Variants in INTS2 observed in about 807,000 individuals in gnomAD.
INTS2 encodes integrator complex subunit 2.
INTS2 carries 57 observed loss-of-function variants against 139.6 expected under a neutral mutation model. That is an observed-to-expected ratio of 0.41 (90% confidence interval 0.33 to 0.51). The LOEUF (loss-of-function observed/expected upper bound fraction) is 0.51, where lower values mean the gene tolerates loss of function less well. INTS2 is among the 20% of genes least tolerant of loss of function. The pLI is 0.28. For missense variants in INTS2, 1,196 were observed against 1,436.7 expected, an observed-to-expected ratio of 0.83 and a Z score of 2.71; for synonymous variants, 473 against 493.4, an observed-to-expected ratio of 0.96 and a Z score of 0.55.
At chr17:61,880,288 C>T (rs923515677) in intron 17 of INTS2, among the ~76,000 whole-genome samples, 1 of 152,180 alleles carries the variant, frequency 6.6e-6, no homozygotes, top group Non-Finnish European at 1.5e-5. Flanking sequence ...CCTCATGATC[C>T]GCCTGCCTCG....
intron 16 of INTS2, among the ~76,000 whole-genome samples, chr17:61,883,330 T>C (rs1307035014): frequency 4.0e-5 from 6 of 148,806 alleles, no homozygotes; most frequent in Non-Finnish European, 7.4e-5. Flanking sequence ...CTAACCAACA[T>C]GATGAAACCA....
intron 5 of INTS2, among the ~76,000 whole-genome samples, chr17:61,916,505 A>C (rs2079584371): frequency 6.6e-6 from 1 of 152,172 alleles, no homozygotes; most frequent in Non-Finnish European, 1.5e-5. Context: ...ACACACCTAC[A>C]ATCATCTGAT....
Position 61,872,229 on chromosome 17 carries a change from C to T in INTS2, c.2778+36G>A. ...GATTATACTAGTAGAGAAGCCCTTG[C>T]TCTTTTTGACTAAATTTTACTTTAG... On this transcript the variant is annotated intron_variant, in intron 20 of 24. Transcript: ENST00000251334. This position sits in a 1 kb window ranked among gnomAD's most constrained non-coding sequence, Gnocchi z 4.8. 6.6e-7 allele frequency: 1 copy of T among 1,511,830 alleles called. No individual in the cohort carries two copies. Among genetic ancestry groups the T allele is most frequent in the Non-Finnish European group, 9.1e-7 (1 of 1,095,730 alleles). 93.7% of individuals were successfully genotyped at this position (1,511,830 alleles called of 1,614,324 possible). A position where few individuals can be genotyped will look rare whatever the true frequency, so the allele number is the denominator to read the frequency against.
rs1374622750 is a variant in INTS2 at position 61,869,539 on chromosome 17, GA to G, written c.3031-160del. ...GGCATTTCACTTTTCTGATGCACTA[GA>G]ATAGAGATTAAACTATCGAACATTT... On this transcript the variant is annotated intron_variant, in intron 21 of 24. Transcript: ENST00000251334. This position sits in a 1 kb window ranked among gnomAD's most constrained non-coding sequence, Gnocchi z 5.4. Among the ~76,000 whole-genome samples the G allele has an allele frequency of 6.6e-6, 1 of 151,364 alleles. No individual in the cohort carries two copies. The highest frequency in any genetic ancestry group is 1.5e-5 in the Non-Finnish European group (1 of 67,880).
intron 5 of INTS2, among the ~76,000 whole-genome samples, chr17:61,916,982 C>A (rs1051572474): frequency 1.3e-5 from 2 of 151,816 alleles, no homozygotes. Flanking sequence ...GGAAAGAACA[C>A]GAACAGATAC....
rs1603372662 is a variant in INTS2 at position 61,875,986 on chromosome 17, T to C, written c.2457-948A>G. Among the ~76,000 whole-genome samples the C allele has an allele frequency of 6.6e-6, 1 of 151,740 alleles. No homozygotes were observed. Among genetic ancestry groups the C allele is most frequent in the South Asian group, 2.1e-4 (1 of 4,816 alleles). ...GAGTTCAAGACTAGCCTGGGCAGCA[T>C]AGTGAGACACCATCTCTACAAAAAC... is the stretch of plus-strand genomic sequence containing the variant. On this transcript the variant is annotated intron_variant, in intron 18 of 24. Transcript: ENST00000251334. The surrounding 1 kb of genome is among the most constrained non-coding windows in gnomAD (Gnocchi z 4.6).
chr17:61,876,333 G>A lies in INTS2; in HGVS notation c.2457-1295C>T, dbSNP rs533869079. The stretch of plus-strand genomic sequence containing the variant: ...GAGTGTGTGTTCCATTCACTAAAAC[G>A]AGGATATAAACCAAGAAAGAGAAAA... On this transcript the variant is annotated intron_variant, in intron 18 of 24. Transcript: ENST00000251334. This position sits in a 1 kb window ranked among gnomAD's most constrained non-coding sequence, Gnocchi z 4.1. 2.6e-5 allele frequency among the ~76,000 whole-genome samples: 4 copies of A among 151,970 alleles called. No homozygotes were observed. Among genetic ancestry groups the A allele is most frequent in the East Asian group, 1.9e-4 (1 of 5,182 alleles).
chr17:61,925,520 T>G (rs1229795275), intron 2 of INTS2, among the ~76,000 whole-genome samples: 1 of 151,782 alleles, frequency 6.6e-6, no homozygotes, highest in Non-Finnish European at 1.5e-5. Flanking sequence ...GAGGTTGCAG[T>G]GAGCCGAGAT....
At chr17:61,889,939 G>A (rs908828499) in intron 14 of INTS2, 45 bp from the exon 15 acceptor site, 21 of 1,206,150 alleles carry the variant, frequency 1.7e-5, no homozygotes, top group Non-Finnish European at 2.5e-5. Context: ...TGAATTTCAC[G>A]AGTGCTTTTT....
At chr17:61,901,990 TGATA>T (rs1488067152) in intron 9 of INTS2, among the ~76,000 whole-genome samples, 2 of 152,152 alleles carry the variant, frequency 1.3e-5, no homozygotes, top group Non-Finnish European at 2.9e-5. Context: ...GACATCTGAT[TGATA>T]GTTTGATGGG....
intron 3 of INTS2, among the ~76,000 whole-genome samples, chr17:61,924,373 C>T (rs573792975): frequency 6.6e-6 from 1 of 152,192 alleles, no homozygotes; most frequent in African/African-American, 2.4e-5. Context: ...TGTCAAGAAG[C>T]CACTGTGTAT....
intron 8 of INTS2, among the ~76,000 whole-genome samples, chr17:61,905,281 A>G (rs2079449345): frequency 6.6e-6 from 1 of 152,136 alleles, no homozygotes; most frequent in South Asian, 2.1e-4. Context: ...ATATTTTTAT[A>G]GTACTCTAAT....
In INTS2 at chr17:61,909,182, G is replaced by C. The variant is rs1222010932; in HGVS notation, c.955-1548C>G. ...GCTGGAGTGCAGTGGCGTGATCTCG[G>C]CTCACTGCAACCTCTGCCTCCCATG... On this transcript the variant is annotated intron_variant, in intron 7 of 24. Coordinates refer to ENST00000251334, the MANE Select transcript of INTS2 (RefSeq NM_001351695.2). The surrounding 1 kb of genome is among the most constrained non-coding windows in gnomAD (Gnocchi z 4.9). 3.9e-5 allele frequency among the ~76,000 whole-genome samples: 6 copies of C among 152,010 alleles called. No homozygotes were observed. Among genetic ancestry groups the C allele is most frequent in the Non-Finnish European group, 7.4e-5 (5 of 68,012 alleles).
rs778098760 is a variant in INTS2, at chr17:61,877,928, G to C, written c.2415C>G (p.Val805=). The C allele has an allele frequency of 8.1e-6, 13 of 1,613,554 alleles. No homozygotes were observed. Among genetic ancestry groups the C allele is most frequent in the Non-Finnish European group, 6.8e-6 (8 of 1,179,702 alleles). Residue 805 remains valine, a synonymous_variant, in exon 18 of 25, where the codon GTC becomes GTG. Transcript: ENST00000251334. ...TATTAAGAACCATCCATAGTTTATT[G>C]ACTGTTTGCAGAATTCTCCGTGGAA... ...SGVPRRILQT[V]NKLWMVLNTV...
At chr17:61,898,165 T>C (rs532307491) in intron 9 of INTS2, among the ~76,000 whole-genome samples, 1 of 152,148 alleles carries the variant, frequency 6.6e-6, no homozygotes, top group East Asian at 1.9e-4. Context: ...GAGCAGTCCA[T>C]CTTCTGGAAA....
intron 16 of INTS2, among the ~76,000 whole-genome samples, chr17:61,884,644 C>G (rs552334190): frequency 2.6e-5 from 4 of 152,048 alleles, no homozygotes; most frequent in Non-Finnish European, 5.9e-5. Context: ...TGAATATCTG[C>G]AATTTCATAC....
At chr17:61,896,101 G>A (rs773218323) in intron 11 of INTS2, among the ~76,000 whole-genome samples, 1 of 151,622 alleles carries the variant, frequency 6.6e-6, no homozygotes. Flanking sequence ...TTAGCCGGGC[G>A]TGGCGGTATG....
Position 61,867,983 on chromosome 17 carries a change from A to T in INTS2, c.3271T>A (p.Phe1091Ile). ...AAACTTGGCAGAGTTGGCATAAAAA[A>T]AGCATACCGCTTAGCCTGTGTTAAA... ...TVLTQAKRYA[F>I]FMPTLPSLVS... Residue 1091 changes from phenylalanine to isoleucine, a missense_variant, in exon 24 of 25, where the codon TTT (phenylalanine) becomes ATT (isoleucine). Around this residue, in one of 3 missense-constraint regions of INTS2, gnomAD observed 1,129 missense variants for 1,341.9 expected, o/e 0.84. Transcript: ENST00000251334. The surrounding 1 kb of genome is among the most constrained non-coding windows in gnomAD (Gnocchi z 5.6). 1 of 1,602,728 alleles carries T rather than the reference A, an allele frequency of 6.2e-7. No individual in the cohort carries two copies. The highest frequency in any genetic ancestry group is 8.5e-7 in the Non-Finnish European group (1 of 1,176,892).
intron 19 of INTS2, among the ~76,000 whole-genome samples, chr17:61,874,674 A>C (rs1289183407): frequency 1.3e-5 from 2 of 152,188 alleles, no homozygotes; most frequent in African/African-American, 4.8e-5. Flanking sequence ...TGTGGCACCA[A>C]AACCAAGAAT....
Sources: allele counts gnomAD v4.1 joint callset (sites outside exome capture counted in the v4.1 genomes callset), GRCh38; gene constraint gnomAD v4.1.1; regional missense constraint gnomAD v4.1.1; non-coding constraint Gnocchi (gnomAD v3.1); transcripts MANE v1.5; gene names NCBI Gene and HGNC (gene_info 2026-07-23, HGNC 2026-07-21).